LRRC24: variants seen among roughly 807,000 people sequenced by gnomAD.
LRRC24 encodes the protein leucine-rich repeat-containing protein 24.
LRRC24 carries 19 observed loss-of-function variants against 15.3 expected under a neutral mutation model. That is an observed-to-expected ratio of 1.25 (90% confidence interval 0.87 to 1.83). The LOEUF (loss-of-function observed/expected upper bound fraction) is 1.83. Among genes scored for constraint, LRRC24 ranks in the 40% most tolerant of loss-of-function variants. LRRC24 has a pLI of 0.00. For missense variants in LRRC24, 914 were observed against 723.9 expected, an observed-to-expected ratio of 1.26 and a Z score of -3.01; for synonymous variants, 469 against 359.6, an observed-to-expected ratio of 1.30 and a Z score of -3.44.
chr8:144,523,254 G>T lies in LRRC24; in HGVS notation c.763C>A (p.Leu255Ile). 3 of 1,610,530 alleles carry T rather than the reference G, an allele frequency of 1.9e-6. No homozygotes were observed. The highest frequency in any genetic ancestry group is 2.5e-6 in the Non-Finnish European group (3 of 1,178,988). ...QSLLDVSHSS[L>I]ICIPPSVHVQ... Reference sequence around the variant, plus strand: ...TGGACAGAGGGCGGAATGCAGATGAGGCTGCTGTGGGATACGTCCAGGAGA... The same window carrying T: ...TGGACAGAGGGCGGAATGCAGATGATGCTGCTGTGGGATACGTCCAGGAGA... The change falls in exon 5 of 5, where the codon CTC (leucine) becomes ATC (isoleucine). Residue 255 changes from leucine to isoleucine, a missense_variant. By Grantham distance (5) the Leu-to-Ile change is conservative (BLOSUM62 2). Coordinates refer to ENST00000529415, the MANE Select transcript of LRRC24 (RefSeq NM_001024678.4).
In LRRC24 at chr8:144,524,476, C is replaced by G. The variant is rs1816274829; in HGVS notation, c.403G>C (p.Ala135Pro). The change falls in exon 3 of 5, where the codon GCG (alanine) becomes CCG (proline). Residue 135 changes from alanine to proline, a missense_variant. Transcript: ENST00000529415. The stretch of plus-strand genomic sequence containing the variant: ...AAGAAGGTGAAATCCAGCAGCCGCG[C>G]CAGCTGGTTGCCCGCCAGGTAGAGC... ...RVLYLAGNQL[A>P]RLLDFTFLHL... 1 of 1,597,846 alleles carries G rather than the reference C, an allele frequency of 6.3e-7. No individual in the cohort carries two copies. The highest frequency in any genetic ancestry group is 1.3e-5 in the African/African-American group (1 of 75,056).
intron 1 of LRRC24, 112 bp from the exon 2 acceptor site, chr8:144,525,145 A>G: frequency 3.2e-6 from 2 of 625,288 alleles, no homozygotes; most frequent in Non-Finnish European, 4.7e-6. Flanking sequence ...TCAAGAAACT[A>G]ATAAAACGTT....
intron 1 of LRRC24, chr8:144,525,290 CCTT>C (rs1816322841): frequency 1.3e-5 from 3 of 233,668 alleles, no homozygotes; most frequent in Non-Finnish European, 1.6e-5. Flanking sequence ...GTCACCTTCT[CCTT>C]CTCCACCCAT....
At chr8:144,526,132 G>A (rs774376858) in intron 1 of LRRC24, 1 of 152,196 alleles carries the variant, frequency 6.6e-6, no homozygotes, top group Non-Finnish European at 1.5e-5. Context: ...CGAGTCATGT[G>A]GAAAGGGACA....
rs754985893 is a variant in LRRC24 at position 144,522,793 on chromosome 8, C to T, written c.1224G>A (p.Ala408=). The T allele has an allele frequency of 1.3e-5, 20 of 1,545,644 alleles. No homozygotes were observed. Among genetic ancestry groups the T allele is most frequent in the Admixed American group, 3.8e-5 (2 of 52,134 alleles). ...ALGVATQTAI[A]AAIALLALTA... ...TGAGCGCCAGCAGCGCGATGGCCGCCGCAATGGCCGTCTGTGTGGCCACGC... is the reference window on the plus strand; with the variant it reads ...TGAGCGCCAGCAGCGCGATGGCCGCTGCAATGGCCGTCTGTGTGGCCACGC... Residue 408 remains alanine (A), a synonymous_variant, in exon 5 of 5, where the codon GCG becomes GCA. Transcript: ENST00000529415.
Position 144,523,332 on chromosome 8 carries a change from AG to A in LRRC24, c.684del (p.Ser229ProfsTer63). On this transcript the variant is annotated frameshift_variant, in exon 5 of 5. Coordinates refer to ENST00000529415, the MANE Select transcript of LRRC24 (RefSeq NM_001024678.4). LOFTEE classifies it low-confidence loss of function (END_TRUNC). Reference sequence around the variant, plus strand: ...GCACACATGATCTTCCTGTCCCTGGAGGTGAGCAGCCGCTGGCCGCCCTCCT... The same window carrying A: ...GCACACATGATCTTCCTGTCCCTGGAGTGAGCAGCCGCTGGCCGCCCTCCT... Reference protein sequence around the residue: ...WIKEGGQRLLTSRDRKIMCAE... With the variant: ...WIKEGGQRLLXSRDRKIMCAE... 1 of 1,596,192 alleles carries A rather than the reference AG, an allele frequency of 6.3e-7. No individual in the cohort carries two copies. The highest frequency in any genetic ancestry group is 8.6e-7 in the Non-Finnish European group (1 of 1,168,760).
Position 144,522,815 on chromosome 8 carries a change from A to G in LRRC24, c.1202T>C (p.Val401Ala). 1 of 1,497,482 alleles carries G rather than the reference A, an allele frequency of 6.7e-7. No homozygotes were observed. Among genetic ancestry groups the G allele is most frequent in the Non-Finnish European group, 8.9e-7 (1 of 1,126,906 alleles). 92.8% of individuals were successfully genotyped at this position (1,497,482 alleles called of 1,614,324 possible). ...AGSMAFRALG[V>A]ATQTAIAAAI... ...CGCCGCAATGGCCGTCTGTGTGGCCACGCCCAGGGCGCGGAAGGCCATGCT... is the reference window on the plus strand; with the variant it reads ...CGCCGCAATGGCCGTCTGTGTGGCCGCGCCCAGGGCGCGGAAGGCCATGCT... Residue 401 changes from valine to alanine, a missense_variant, in exon 5 of 5, where the codon GTG becomes GCG. By Grantham distance (64) the Val-to-Ala change is moderately conservative (BLOSUM62 0). Coordinates refer to ENST00000529415, the MANE Select transcript of LRRC24 (RefSeq NM_001024678.4).
At chr8:144,523,573 G>A in intron 4 of LRRC24, 164 bp from the exon 5 acceptor site, 1 of 1,178,510 alleles carries the variant, frequency 8.5e-7, no homozygotes, top group Non-Finnish European at 1.1e-6. Context: ...AAGCTCCTTG[G>A]GGCGGCAGGC....
At chr8:144,526,140 A>G (rs1816351289) in intron 1 of LRRC24, 1 of 152,214 alleles carries the variant, frequency 6.6e-6, no homozygotes. Context: ...GTGGAAAGGG[A>G]CAGGACCAAG....
rs776594949 is a variant in LRRC24, at chr8:144,524,503, C to T, written c.376G>A (p.Val126Met). The T allele has an allele frequency of 1.9e-6, 3 of 1,596,702 alleles. No individual in the cohort carries two copies. Among genetic ancestry groups the T allele is most frequent in the Middle Eastern group, 1.7e-4 (1 of 5,942 alleles). Residue 126 changes from valine to methionine, a missense_variant, in exon 3 of 5, where the codon GTG becomes ATG. Transcript: ENST00000529415. Reference sequence around the variant, plus strand: ...AGCTGGTTGCCCGCCAGGTAGAGCACGCGCAGCTGGGCCAGGCCTACGAAG... The same window carrying T: ...AGCTGGTTGCCCGCCAGGTAGAGCATGCGCAGCTGGGCCAGGCCTACGAAG... ...GAFVGLAQLR[V>M]LYLAGNQLAR... is the part of the protein sequence containing the mutation.
chr8:144,523,990 G>T, intron 4 of LRRC24, 120 bp downstream of exon 4: 1 of 1,181,876 alleles, frequency 8.5e-7, no homozygotes, highest in Non-Finnish European at 1.2e-6. Flanking sequence ...GCTGCAGGCG[G>T]TGGTGCAGCC....
At position 144,522,506 on chromosome 8, in the gene LRRC24, G is replaced by A. The variant is rs1564822987; in HGVS notation, c.1511C>T (p.Pro504Leu). Residue 504 changes from proline to leucine, a missense_variant, in exon 5 of 5, where the codon CCC (proline) becomes CTC (leucine). By Grantham distance (98) the Pro-to-Leu change is moderately conservative. Transcript: ENST00000529415. ...GTGGATCTCGTAGGCGACCGGCGGG[G>A]GCACGCGGAGTCCCGGCCCCGCCCC... ...EQGAGPGLRV[P>L]PPVAYEIHC 2 of 1,499,466 alleles carry A rather than the reference G, an allele frequency of 1.3e-6. No individual in the cohort carries two copies. Among genetic ancestry groups the A allele is most frequent in the South Asian group, 1.3e-5 (1 of 78,206 alleles). 92.9% of individuals were successfully genotyped at this position (1,499,466 alleles called of 1,614,324 possible). A position where few individuals can be genotyped will look rare whatever the true frequency, so the allele number is the denominator to read the frequency against.
rs867915475 is a variant in LRRC24 at position 144,525,147 on chromosome 8, T to C, written c.-59-114A>G. The C allele has an allele frequency of 2.4e-5, 15 of 614,896 alleles. No homozygotes were observed. The South Asian group carries it at 5.7e-4, about 23-fold the overall frequency. 38.1% of individuals were successfully genotyped at this position (614,896 alleles called of 1,614,324 possible). On this transcript the variant is annotated intron_variant, in intron 1 of 4. Transcript: ENST00000529415. ...GCTATAAATAGGTTCAAGAAACTAATAAAACGTTCTGGTTTTCTCCTTTGA... is the reference window on the plus strand; with the variant it reads ...GCTATAAATAGGTTCAAGAAACTAACAAAACGTTCTGGTTTTCTCCTTTGA...
rs772861025 is a variant in LRRC24, at chr8:144,522,777, G to C, written c.1240C>G (p.Leu414Val). 6 of 1,561,606 alleles carry C rather than the reference G, an allele frequency of 3.8e-6. No individual in the cohort carries two copies. Among genetic ancestry groups the C allele is most frequent in the Admixed American group, 1.9e-5 (1 of 53,990 alleles). The change falls in exon 5 of 5, where the codon CTG becomes GTG. Residue 414 changes from leucine to valine, a missense_variant. Coordinates refer to ENST00000529415, the MANE Select transcript of LRRC24 (RefSeq NM_001024678.4). ...ACCAGGAGCAGCGCCGTGAGCGCCA[G>C]CAGCGCGATGGCCGCCGCAATGGCC... ...QTAIAAAIALLALTALLLVAM... is the reference protein window; with the variant it reads ...QTAIAAAIALVALTALLLVAM...
At position 144,523,197 on chromosome 8, in the gene LRRC24, C is replaced by G; in HGVS notation, c.820G>C (p.Gly274Arg). Residue 274 changes from glycine (G) to arginine (R), a missense_variant, in exon 5 of 5, where the codon GGT (glycine) becomes CGT (arginine). Transcript: ENST00000529415. ...VQPLELTANL[G>R]EDLRVACQAS... ...TGGCAGGCAACCCGCAGGTCCTCAC[C>G]CAGGTTGGCTGTGAGCTCCAGCGGC... The G allele has an allele frequency of 1.2e-6, 2 of 1,609,704 alleles. No homozygotes were observed. Among genetic ancestry groups the G allele is most frequent in the Non-Finnish European group, 8.5e-7 (1 of 1,178,678 alleles).
chr8:144,522,444 C>A lies in LRRC24; in HGVS notation c.*31G>T. 1 of 1,391,160 alleles carries A rather than the reference C, an allele frequency of 7.2e-7. No homozygotes were observed. The highest frequency in any genetic ancestry group is 9.2e-7 in the Non-Finnish European group (1 of 1,081,440). The allele number at this position is 1,391,160 out of a possible 1,614,324, so 86.2% of individuals were successfully genotyped here. On this transcript the variant is annotated 3_prime_UTR_variant, in exon 5 of 5. Transcript: ENST00000529415. ...GCGCGAGGCCGCACCGGCCAATCTCCGGCGCCCACGTCATCCGCGCGCCCG... is the reference window on the plus strand; with the variant it reads ...GCGCGAGGCCGCACCGGCCAATCTCAGGCGCCCACGTCATCCGCGCGCCCG...
chr8:144,522,633 GCT>G lies in LRRC24; in HGVS notation c.1382_1383del (p.Glu461AlafsTer29), dbSNP rs1297703255. ...ATCTCGTGGCCGCGCTCGTCGCGGA[GCT>G]CCTCTAGCTGTGCGAACGTACAGGG... ...DGPCTFAQLE[E>X]LRDERGHEMF... On this transcript the variant is annotated frameshift_variant, in exon 5 of 5. Coordinates refer to ENST00000529415, the MANE Select transcript of LRRC24 (RefSeq NM_001024678.4). LOFTEE classifies it low-confidence loss of function (END_TRUNC). 1 of 1,578,156 alleles carries G rather than the reference GCT, an allele frequency of 6.3e-7. No homozygotes were observed. Among genetic ancestry groups the G allele is most frequent in the Admixed American group, 1.8e-5 (1 of 56,308 alleles).
Position 144,523,432 on chromosome 8 carries a change from A to G in LRRC24, c.608-23T>C, listed in dbSNP as rs1564824405. On this transcript the variant is annotated intron_variant, in intron 4 of 4. Coordinates refer to ENST00000529415, the MANE Select transcript of LRRC24 (RefSeq NM_001024678.4). ...TCTCTGTGGGAGAGCAGCGTTAGGC[A>G]GGTGGCTTGAGGGTGCTGCTAAAAC... The G allele has an allele frequency of 4.0e-6, 6 of 1,509,508 alleles. 1 individual carries two copies. In the South Asian group the frequency reaches 6.6e-5, roughly 17 times the overall value. The allele number at this position is 1,509,508 out of a possible 1,614,324, so 93.5% of individuals were successfully genotyped here.
At chr8:144,525,166 C>T (rs67557810) in intron 1 of LRRC24, 133 bp from the exon 2 acceptor site, 41,465 of 543,572 alleles carry the variant, frequency 0.076, 1,854 homozygotes, top group African/African-American at 0.12. Context: ...CTGGTTTTCT[C>T]CTTTGACAAA....
Sources: allele counts gnomAD v4.1 joint callset, GRCh38; gene constraint gnomAD v4.1.1; transcripts MANE v1.5; gene names NCBI Gene and HGNC (gene_info 2026-07-23, HGNC 2026-07-21).